ZSCAN1: variants seen among roughly 807,000 people sequenced by gnomAD.
The protein encoded by ZSCAN1 is zinc finger and SCAN domain-containing protein 1.
In ZSCAN1, 23 loss-of-function variants were observed where a neutral mutation model predicts 23.8. The ratio of observed to expected loss-of-function variants is 0.97; its 90% confidence interval spans 0.70 to 1.37. ZSCAN1 has a LOEUF of 1.37. Ranked by LOEUF, ZSCAN1 falls within the 40% of genes most tolerant of loss-of-function variation. ZSCAN1 has a pLI of 0.00. For missense variants in ZSCAN1, 575 were observed against 554.0 expected (o/e 1.04, Z -0.38); for synonymous variants, 236 against 232.3 (o/e 1.02, Z -0.15).
rs2073713374 is a variant in ZSCAN1, at chr19:58,034,029, T to C, written c.-284T>C. 6.6e-6 allele frequency: 1 copy of C among 151,938 alleles called. No homozygotes were observed. The highest frequency in any genetic ancestry group is 6.5e-5 in the Admixed American group (1 of 15,272). The allele number at this position is 151,938 out of a possible 1,614,324, so 9.4% of individuals were successfully genotyped here. The stretch of plus-strand genomic sequence containing the variant: ...GACTTGTCACCGACGCCCGGCGTGA[T>C]CCAGCGGACCAATGGCGGCCGCCCG... On this transcript the variant is annotated 5_prime_UTR_variant, in exon 1 of 6. Coordinates refer to ENST00000282326, the MANE Select transcript of ZSCAN1 (RefSeq NM_182572.4).
At chr19:58,043,395 G>A (rs905164416) in intron 4 of ZSCAN1, among the ~76,000 whole-genome samples, 6 of 152,198 alleles carry the variant, frequency 3.9e-5, no homozygotes, top group Non-Finnish European at 8.8e-5. Context: ...GTTGTTTGTG[G>A]ATTTAAACAT....
At chr19:58,038,759 GT>G (rs2073762213) in intron 3 of ZSCAN1, among the ~76,000 whole-genome samples, 1 of 152,190 alleles carries the variant, frequency 6.6e-6, no homozygotes, top group African/African-American at 2.4e-5. Context: ...GTGACCCCAC[GT>G]CGAGATTCCA....
At chr19:58,039,277 C>A (rs1036253529) in intron 3 of ZSCAN1, among the ~76,000 whole-genome samples, 2 of 152,136 alleles carry the variant, frequency 1.3e-5, no homozygotes, top group Non-Finnish European at 2.9e-5. Flanking sequence ...TGGCTTCTGG[C>A]GCTCTGTGGA....
rs893966118 is a variant in ZSCAN1 at position 58,047,559 on chromosome 19, C to T, written c.466-4931C>T. Among the ~76,000 whole-genome samples the T allele has an allele frequency of 4.1e-4, 62 of 152,224 alleles. 3 individuals are homozygous for T. The highest frequency in any genetic ancestry group is 3.3e-4 in the Admixed American group (5 of 15,282). On this transcript the variant is annotated intron_variant, in intron 4 of 5. Coordinates refer to ENST00000282326, the MANE Select transcript of ZSCAN1 (RefSeq NM_182572.4). This position sits in a 1 kb window ranked among gnomAD's most constrained non-coding sequence, Gnocchi z 4.9. ...CCTTGGGTGGTGCTTGGGCTGCGCG[C>T]CACGGGGGCTGCAGTGGATTTACTG...
At chr19:58,044,847 A>G (rs2073814349) in intron 4 of ZSCAN1, 1 of 764,290 alleles carries the variant, frequency 1.3e-6, no homozygotes. Flanking sequence ...CGAGAGCGCC[A>G]TGGACCTCCA....
At chr19:58,044,569 G>A (rs2073811572) in intron 4 of ZSCAN1, 1 of 678,262 alleles carries the variant, frequency 1.5e-6, no homozygotes, top group South Asian at 1.9e-5. Flanking sequence ...AGGCCCGAGC[G>A]GCCGCCACGC....
chr19:58,053,265 C>A lies in ZSCAN1; in HGVS notation c.605-164C>A, dbSNP rs866530579. Among the ~76,000 whole-genome samples the A allele has an allele frequency of 6.6e-6, 1 of 152,106 alleles. No individual in the cohort carries two copies. The highest frequency in any genetic ancestry group is 2.4e-5 in the African/African-American group (1 of 41,412). On this transcript the variant is annotated intron_variant, in intron 5 of 5. Coordinates refer to ENST00000282326, the MANE Select transcript of ZSCAN1 (RefSeq NM_182572.4). The surrounding 1 kb of genome is among the most constrained non-coding windows in gnomAD (Gnocchi z 5.8). ...AGCCACTGCACCGGCCACATGTGCC[C>A]TTGTATCTTAAAGGACAGAACGGAG...
chr19:58,053,905 G>A lies in ZSCAN1; in HGVS notation c.1081G>A (p.Val361Ile), dbSNP rs369547013. 3.7e-5 allele frequency: 59 copies of A among 1,613,058 alleles called. No homozygotes were observed. The highest frequency in any genetic ancestry group is 8.3e-5 in the Admixed American group (5 of 59,982). ...CCGGAGCAAGGGCCCCCGGGAGTCC[G>A]TCCCACCCAGGGATGGAGCCCAGGG... ...APRSKGPRES[V>I]PPRDGAQGPV... Residue 361 changes from valine to isoleucine, a missense_variant, in exon 6 of 6, where the codon GTC becomes ATC. Val to Ile is a conservative substitution (Grantham distance 29, BLOSUM62 3). Coordinates refer to ENST00000282326, the MANE Select transcript of ZSCAN1 (RefSeq NM_182572.4). The surrounding 1 kb of genome is among the most constrained non-coding windows in gnomAD (Gnocchi z 5.8).
At chr19:58,042,140 A>T (rs1482682724) in intron 4 of ZSCAN1, among the ~76,000 whole-genome samples, 1 of 152,118 alleles carries the variant, frequency 6.6e-6, no homozygotes, top group Non-Finnish European at 1.5e-5. Flanking sequence ...TTTTTTTATT[A>T]TGGCTAGCAG....
At chr19:58,055,564 G>A (rs1307478164), downstream of ZSCAN1, among the ~76,000 whole-genome samples, 1 of 152,144 alleles carries the variant, frequency 6.6e-6, no homozygotes, top group Non-Finnish European at 1.5e-5. Context: ...CAGGATGGAG[G>A]GTGGGGTCTT....
intron 4 of ZSCAN1, among the ~76,000 whole-genome samples, chr19:58,043,787 A>C (rs897900528): frequency 6.6e-6 from 1 of 151,992 alleles, no homozygotes; most frequent in African/African-American, 2.4e-5. Flanking sequence ...GTAGCTGGGA[A>C]CACAGGCACA....
At position 58,046,221 on chromosome 19, in the gene ZSCAN1, T is replaced by A. The variant is rs544972792; in HGVS notation, c.465+5677T>A. ...TCAGCATCCTCAGCAATGCCTGCTC[T>A]AAGCTGCAGGAACAGAAGAAGTCAC... On this transcript the variant is annotated intron_variant, in intron 4 of 5. Transcript: ENST00000282326. 558 of 770,260 alleles carry A rather than the reference T, an allele frequency of 7.2e-4. 1 individual carries two copies. In the African/African-American group the frequency reaches 8.2e-3, roughly 11 times the overall value. 47.7% of individuals were successfully genotyped at this position (770,260 alleles called of 1,614,324 possible).
At position 58,038,051 on chromosome 19, in the gene ZSCAN1, G is replaced by C. The variant is rs2073752843; in HGVS notation, c.215G>C (p.Arg72Pro). ...LCRQWLRPEA[R>P]SKEQMLELLV... ...CGCCAGTGGCTGAGGCCCGAGGCGC[G>C]CTCCAAGGAGCAGATGCTGGAGCTG... Residue 72 changes from arginine (R) to proline (P), a missense_variant, in exon 3 of 6, where the codon CGC becomes CCC. By Grantham distance (103) the Arg-to-Pro change is moderately radical (BLOSUM62 -2). Coordinates refer to ENST00000282326, the MANE Select transcript of ZSCAN1 (RefSeq NM_182572.4). 6.2e-7 allele frequency: 1 copy of C among 1,611,674 alleles called. No individual in the cohort carries two copies. Among genetic ancestry groups the C allele is most frequent in the Non-Finnish European group, 8.5e-7 (1 of 1,179,778 alleles).
intron 2 of ZSCAN1, among the ~76,000 whole-genome samples, chr19:58,036,510 CTTTTCTTTTTTT>C (rs2073738161): frequency 8.0e-6 from 1 of 124,614 alleles, no homozygotes; most frequent in African/African-American, 3.0e-5. Flanking sequence ...TCTTTTTTTT[CTTTTCTTTTTTT>C]TTTTTTTTTT....
intron 2 of ZSCAN1, among the ~76,000 whole-genome samples, chr19:58,036,641 G>A (rs1329381758): frequency 6.7e-6 from 1 of 149,412 alleles, no homozygotes; most frequent in Non-Finnish European, 1.5e-5. Context: ...TCAGCCTCCC[G>A]AGTAGCTGGG....
chr19:58,052,732 GAA>G, intron 5 of ZSCAN1, 104 bp downstream of exon 5: 2 of 1,449,660 alleles, frequency 1.4e-6, no homozygotes, highest in Non-Finnish European at 1.8e-6. Context: ...CTTCGGTGGT[GAA>G]CTCCACACTT....
Position 58,040,315 on chromosome 19 carries a change from C to A in ZSCAN1, c.371-135C>A. 1.1e-6 allele frequency: 1 copy of A among 874,492 alleles called. No individual in the cohort carries two copies. The highest frequency in any genetic ancestry group is 1.8e-6 in the Non-Finnish European group (1 of 548,732). 54.2% of individuals were successfully genotyped at this position (874,492 alleles called of 1,614,324 possible). ...CCACATGGAGGGACAGAATGACAGCCCTGCAGCCACTCTTGCCTGCGCCTC... is the reference window on the plus strand; with the variant it reads ...CCACATGGAGGGACAGAATGACAGCACTGCAGCCACTCTTGCCTGCGCCTC... On this transcript the variant is annotated intron_variant, in intron 3 of 5. Transcript: ENST00000282326. This position sits in a 1 kb window ranked among gnomAD's most constrained non-coding sequence, Gnocchi z 5.8.
rs1568606661 is a variant in ZSCAN1 at position 58,053,510 on chromosome 19, G to A, written c.686G>A (p.Arg229Gln). ...CTCGCAGGGCCCTCCTCAGACCTGC[G>A]GGCAGAAGGGACTGTGATCTCGAGC... ...DLLAGPSSDL[R>Q]AEGTVISSPK... The change falls in exon 6 of 6, where the codon CGG becomes CAG. Residue 229 changes from arginine to glutamine, a missense_variant. By Grantham distance (43) the Arg-to-Gln change is conservative. Transcript: ENST00000282326. This position sits in a 1 kb window ranked among gnomAD's most constrained non-coding sequence, Gnocchi z 5.8. 4 of 1,613,988 alleles carry A rather than the reference G, an allele frequency of 2.5e-6. No individual in the cohort carries two copies. The highest frequency in any genetic ancestry group is 1.6e-4 in the Middle Eastern group (1 of 6,084).
In ZSCAN1 at chr19:58,045,844, C is replaced by A; in HGVS notation, c.465+5300C>A. 8.3e-7 allele frequency: 1 copy of A among 1,205,110 alleles called. No homozygotes were observed. The highest frequency in any genetic ancestry group is 1.2e-6 in the Non-Finnish European group (1 of 807,038). 74.7% of individuals were successfully genotyped at this position (1,205,110 alleles called of 1,614,324 possible). A position where few individuals can be genotyped will look rare whatever the true frequency, so the allele number is the denominator to read the frequency against. ...CCGGACCATGTAGCTCCCGGACACC[C>A]TCTTGCCAGCCGACCAGCTCAAGTC... On this transcript the variant is annotated intron_variant, in intron 4 of 5. Transcript: ENST00000282326. This position sits in a 1 kb window ranked among gnomAD's most constrained non-coding sequence, Gnocchi z 4.3.
Sources: gnomAD v4.1 joint callset for allele counts (sites outside exome capture counted in the v4.1 genomes callset) on GRCh38, gnomAD v4.1.1 for gene constraint, Gnocchi (gnomAD v3.1) non-coding constraint, MANE v1.5 for transcripts, NCBI Gene and HGNC (gene_info 2026-07-23, HGNC 2026-07-21) for gene names.